The following SLC9D1 variants were observed in gnomAD, a reference collection of about 807,000 sequenced individuals.
SLC9D1 encodes the protein solute carrier family 9 member D1.
chr13:113,522,287 C>A, the SLC9D1 span, among the ~76,000 whole-genome samples: 1 of 152,190 alleles, frequency 6.6e-6, no homozygotes, highest in Non-Finnish European at 1.5e-5. Flanking sequence ...TGGATTCTGT[C>A]GATTGCTTTT....
At chr13:113,544,196 G>T in the SLC9D1 span, among the ~76,000 whole-genome samples, 1 of 152,240 alleles carries the variant, frequency 6.6e-6, no homozygotes, top group Non-Finnish European at 1.5e-5. Context: ...CTGCAGGCTG[G>T]CAGGCGTCGC....
At chr13:113,541,663 G>C in the SLC9D1 span, among the ~76,000 whole-genome samples, 224 of 124,206 alleles carry the variant, frequency 1.8e-3, no homozygotes, top group African/African-American at 6.5e-3. Flanking sequence ...TATTACCGCC[G>C]AGATGTGTGG....
At chr13:113,517,415 A>G in the SLC9D1 span, among the ~76,000 whole-genome samples, 1 of 152,124 alleles carries the variant, frequency 6.6e-6, no homozygotes, top group Non-Finnish European at 1.5e-5. Flanking sequence ...TTTTTAGTAG[A>G]GACGGGGTTT....
chr13:113,514,952 G>A, the SLC9D1 span, among the ~76,000 whole-genome samples: 2 of 152,130 alleles, frequency 1.3e-5, no homozygotes, highest in Non-Finnish European at 2.9e-5. Flanking sequence ...CCCTGGCCTC[G>A]AGCAGTCCTC....
chr13:113,549,852 T>C, the SLC9D1 span: 2 of 578,978 alleles, frequency 3.5e-6, no homozygotes, highest in African/African-American at 3.8e-5. Context: ...AATTTTCTAT[T>C]GTGAGTTCAT....
chr13:113,500,047 T>C, the SLC9D1 span: 1 of 1,594,434 alleles, frequency 6.3e-7, no homozygotes, highest in Non-Finnish European at 8.6e-7. Flanking sequence ...AAGTGGAGGA[T>C]GACTTGGGTC....
chr13:113,500,056 T>TA, the SLC9D1 span: 3 of 1,594,090 alleles, frequency 1.9e-6, no homozygotes, highest in African/African-American at 4.0e-5. Flanking sequence ...ATGACTTGGG[T>TA]CTTAGCATGC....
the SLC9D1 span, chr13:113,528,406 T>A: frequency 1.3e-5 from 2 of 152,374 alleles, no homozygotes; most frequent in South Asian, 4.1e-4. Flanking sequence ...TATTTGCCTT[T>A]TGCCAGATCT....
the SLC9D1 span, among the ~76,000 whole-genome samples, chr13:113,546,655 C>T: frequency 1.3e-5 from 2 of 152,182 alleles, no homozygotes; most frequent in South Asian, 2.1e-4. The surrounding 1 kb of genome is among the most constrained non-coding windows in gnomAD (Gnocchi z 7.1). Flanking sequence ...TCTGGGCTGC[C>T]GGGCTTCCTC....
At chr13:113,536,106 G>A in the SLC9D1 span, among the ~76,000 whole-genome samples, 7 of 152,186 alleles carry the variant, frequency 4.6e-5, no homozygotes, top group East Asian at 7.7e-4. Flanking sequence ...GGCTGGGCGC[G>A]GTGGCTCACG....
At chr13:113,544,574 G>T in the SLC9D1 span, among the ~76,000 whole-genome samples, 1 of 152,204 alleles carries the variant, frequency 6.6e-6, no homozygotes. Context: ...TTATTAGCTC[G>T]GGCCATCAAC....
chr13:113,533,808 C>A, the SLC9D1 span, among the ~76,000 whole-genome samples: 1 of 152,216 alleles, frequency 6.6e-6, no homozygotes, highest in East Asian at 1.9e-4. Context: ...TTCTAGAATA[C>A]GCATTCACCC....
At chr13:113,508,194 C>T in the SLC9D1 span, among the ~76,000 whole-genome samples, 1 of 152,234 alleles carries the variant, frequency 6.6e-6, no homozygotes, top group African/African-American at 2.4e-5. Context: ...TGGTAATGAC[C>T]TCAGAGATAA....
chr13:113,496,036 G>C, the SLC9D1 span: 4 of 1,567,344 alleles, frequency 2.6e-6, no homozygotes, highest in South Asian at 2.3e-5. Flanking sequence ...GTCAGTCCTA[G>C]AGAGGGAGAG....
At chr13:113,544,248 C>A in the SLC9D1 span, among the ~76,000 whole-genome samples, 518 of 152,350 alleles carry the variant, frequency 3.4e-3, 3 homozygotes, top group South Asian at 9.3e-3. Flanking sequence ...CTGGGTGAGG[C>A]CCAGGCTGTG....
At chr13:113,528,901 G>A in the SLC9D1 span, 1 of 152,196 alleles carries the variant, frequency 6.6e-6, no homozygotes, top group South Asian at 2.1e-4. Flanking sequence ...ACAACAGAAG[G>A]AAGGGTTGTC....
At chr13:113,491,441 C>T in the SLC9D1 span, among the ~76,000 whole-genome samples, 41 of 151,028 alleles carry the variant, frequency 2.7e-4, no homozygotes, top group East Asian at 7.7e-3. Context: ...CCCCTCTCTC[C>T]CTCCCCGGGG....
At chr13:113,513,730 T>C in the SLC9D1 span, among the ~76,000 whole-genome samples, 1 of 152,186 alleles carries the variant, frequency 6.6e-6, no homozygotes, top group Non-Finnish European at 1.5e-5. Context: ...ACTCCATTCA[T>C]AAAGATGTCA....
the SLC9D1 span, chr13:113,504,335 T>C: frequency 1.3e-5 from 2 of 152,352 alleles, no homozygotes; most frequent in African/African-American, 2.4e-5. Context: ...CTTTTTTTAA[T>C]TTAAAATTTT....
Sources: allele counts gnomAD v4.1 joint callset (sites outside exome capture counted in the v4.1 genomes callset), GRCh38; gene constraint gnomAD v4.1.1; non-coding constraint Gnocchi (gnomAD v3.1); transcripts MANE v1.5; gene names NCBI Gene and HGNC (gene_info 2026-07-23, HGNC 2026-07-21).